TNFRSF11A: variants seen among roughly 807,000 people sequenced by gnomAD.
TNFRSF11A encodes TNF receptor superfamily member 11a, also known as tumor necrosis factor receptor superfamily member 11A.
A neutral mutation model predicts 55.7 loss-of-function variants in TNFRSF11A; 32 were observed. That is an observed-to-expected ratio of 0.57 (90% CI 0.43 to 0.77). The LOEUF (loss-of-function observed/expected upper bound fraction) is 0.77. Ranked by LOEUF, TNFRSF11A falls within the 30% of genes least tolerant of loss-of-function variation. The probability of loss-of-function intolerance (pLI) is 0.00; values close to 1 mark genes in which losing one functional copy is unlikely to be tolerated. For missense variants in TNFRSF11A, 753 were observed against 809.8 expected (o/e 0.93, Z 0.85); for synonymous variants, 311 against 331.0 (o/e 0.94, Z 0.65).
chr18:62,325,379 C>A lies in TNFRSF11A; in HGVS notation c.27C>A (p.Arg9=). 1 of 1,079,636 alleles carries A rather than the reference C, an allele frequency of 9.3e-7. No individual in the cohort carries two copies. The highest frequency in any genetic ancestry group is 6.7e-5 in the East Asian group (1 of 14,996). The allele number at this position is 1,079,636 out of a possible 1,614,324, so 66.9% of individuals were successfully genotyped here. A position where few individuals can be genotyped will look rare whatever the true frequency, so the allele number is the denominator to read the frequency against. The change falls in exon 1 of 10, where the codon CGC becomes CGA. Residue 9 remains arginine (R), a synonymous_variant. Transcript: ENST00000586569. The surrounding 1 kb of genome is among the most constrained non-coding windows in gnomAD (Gnocchi z 4.7). MAPRARRR[R]PLFALLLLCA... ...TGGCCCCGCGCGCCCGGCGGCGCCGCCCGCTGTTCGCGCTGCTGCTGCTCT... is the reference window on the plus strand; with the variant it reads ...TGGCCCCGCGCGCCCGGCGGCGCCGACCGCTGTTCGCGCTGCTGCTGCTCT...
chr18:62,381,401 T>C (rs1440621386), intron 9 of TNFRSF11A, among the ~76,000 whole-genome samples: 2 of 152,170 alleles, frequency 1.3e-5, no homozygotes, highest in African/African-American at 4.8e-5. Flanking sequence ...TGATGATCTG[T>C]TGAAAAATAA....
Position 62,354,452 on chromosome 18 carries a change from G to A in TNFRSF11A, c.345G>A (p.Thr115=). The A allele has an allele frequency of 6.2e-7, 1 of 1,600,594 alleles. No homozygotes were observed. Among genetic ancestry groups the A allele is most frequent in the Non-Finnish European group, 8.5e-7 (1 of 1,178,988 alleles). ...NSTTPRRCAC[T]AGYHWSQDCE... ...CGACCCCCCGGCGCTGCGCGTGCAC[G>A]GCTGGGTACCACTGGAGCCAGGACT... is the stretch of plus-strand genomic sequence containing the variant. Residue 115 remains threonine, a synonymous_variant, in exon 4 of 10, where the codon ACG becomes ACA. Transcript: ENST00000586569.
At chr18:62,347,456 C>G (rs1253476809) in intron 1 of TNFRSF11A, among the ~76,000 whole-genome samples, 1 of 152,162 alleles carries the variant, frequency 6.6e-6, no homozygotes, top group Non-Finnish European at 1.5e-5. Flanking sequence ...TGGTATTTGT[C>G]TTAGAATCAT....
intron 1 of TNFRSF11A, among the ~76,000 whole-genome samples, chr18:62,342,881 T>C (rs1380971430): frequency 6.6e-6 from 1 of 152,226 alleles, no homozygotes; most frequent in Non-Finnish European, 1.5e-5. Flanking sequence ...CTACCTTTTA[T>C]ATGTTTGTTG....
chr18:62,364,353 C>T (rs1052946073), intron 7 of TNFRSF11A, among the ~76,000 whole-genome samples: 1 of 152,062 alleles, frequency 6.6e-6, no homozygotes, highest in African/African-American at 2.4e-5. Context: ...GAGGGCATGG[C>T]GAGACCATGT....
intron 4 of TNFRSF11A, among the ~76,000 whole-genome samples, chr18:62,356,185 G>T (rs1450504366): frequency 6.6e-6 from 1 of 152,182 alleles, no homozygotes; most frequent in East Asian, 1.9e-4. Flanking sequence ...TCCCTTAGAG[G>T]CACCTGGTTT....
intron 1 of TNFRSF11A, among the ~76,000 whole-genome samples, chr18:62,341,365 A>C (rs1421692754): frequency 6.6e-6 from 1 of 152,230 alleles, no homozygotes. Context: ...ATACTCTGCT[A>C]TGCAGCTTTG....
intron 9 of TNFRSF11A, among the ~76,000 whole-genome samples, chr18:62,382,889 C>T (rs1237243532): frequency 6.6e-6 from 1 of 152,130 alleles, no homozygotes; most frequent in African/African-American, 2.4e-5. Context: ...TTTTTTCTCA[C>T]TAATATTTCA....
chr18:62,374,159 C>A (rs970940038), intron 9 of TNFRSF11A: 10 of 152,312 alleles, frequency 6.6e-5, no homozygotes, highest in Admixed American at 5.9e-4. Flanking sequence ...TGTAAAACAT[C>A]AATGCACTAT....
Position 62,369,624 on chromosome 18 carries a change from T to A in TNFRSF11A, c.1567+140T>A, listed in dbSNP as rs1011325461. The A allele has an allele frequency of 3.6e-6, 4 of 1,107,802 alleles. No homozygotes were observed. In the African/African-American group the frequency reaches 4.6e-5, roughly 13 times the overall value. 68.6% of individuals were successfully genotyped at this position (1,107,802 alleles called of 1,614,324 possible). A position where few individuals can be genotyped will look rare whatever the true frequency, so the allele number is the denominator to read the frequency against. The stretch of plus-strand genomic sequence containing the variant: ...GTGCTTTTTCTCTTAATAAGCATTT[T>A]TACAGGATGGCTTTGGATTCAGTCC... On this transcript the variant is annotated intron_variant, in intron 9 of 9. Transcript: ENST00000586569.
At chr18:62,368,666 A>G (rs1271244073) in intron 8 of TNFRSF11A, 35 bp from the exon 9 acceptor site, 3 of 1,611,686 alleles carry the variant, frequency 1.9e-6, no homozygotes, top group African/African-American at 1.3e-5. Flanking sequence ...AACTCTAGGT[A>G]TTAATGCCTC....
rs2046056660 is a variant in TNFRSF11A, at chr18:62,325,400, G to A, written c.48G>A (p.Leu16=). 1 of 1,227,362 alleles carries A rather than the reference G, an allele frequency of 8.1e-7. No homozygotes were observed. The highest frequency in any genetic ancestry group is 1.0e-6 in the Non-Finnish European group (1 of 972,928). 76.0% of individuals were successfully genotyped at this position (1,227,362 alleles called of 1,614,324 possible). The change falls in exon 1 of 10, where the codon CTG becomes CTA. Residue 16 remains leucine, a synonymous_variant. Transcript: ENST00000586569. This position sits in a 1 kb window ranked among gnomAD's most constrained non-coding sequence, Gnocchi z 4.7. ...GCCGCCCGCTGTTCGCGCTGCTGCT[G>A]CTCTGCGCGCTGCTCGCCCGGCTGC... The part of the protein sequence containing the change: ...RRRRPLFALL[L]LCALLARLQV...
chr18:62,358,169 C>T, intron 4 of TNFRSF11A, 79 bp from the exon 5 acceptor site: 1 of 1,407,450 alleles, frequency 7.1e-7, no homozygotes, highest in Non-Finnish European at 9.9e-7. Context: ...TCTGGAGTCC[C>T]AGCCTGGATG....
chr18:62,387,194 T>A lies in TNFRSF11A; in HGVS notation c.*2160T>A, dbSNP rs970636472. The A allele has an allele frequency of 5.3e-5, 8 of 152,224 alleles. No homozygotes were observed. The highest frequency in any genetic ancestry group is 1.9e-4 in the African/African-American group (8 of 41,456). The allele number at this position is 152,224 out of a possible 1,614,324, so 9.4% of individuals were successfully genotyped here. A position where few individuals can be genotyped will look rare whatever the true frequency, so the allele number is the denominator to read the frequency against. On this transcript the variant is annotated 3_prime_UTR_variant, in exon 10 of 10. Coordinates refer to ENST00000586569, the MANE Select transcript of TNFRSF11A (RefSeq NM_003839.4). Reference sequence around the variant, plus strand: ...GGTGCTATATACATAAGTAAGACTCTACTTTCAGAAAAAGGTAATATTATT... The same window carrying A: ...GGTGCTATATACATAAGTAAGACTCAACTTTCAGAAAAAGGTAATATTATT...
intron 9 of TNFRSF11A, among the ~76,000 whole-genome samples, chr18:62,373,122 A>G (rs1910663134): frequency 6.6e-6 from 1 of 152,132 alleles, no homozygotes; most frequent in African/African-American, 2.4e-5. Flanking sequence ...GGATAATCTC[A>G]CACCCTATCA....
chr18:62,369,298 G>C lies in TNFRSF11A; in HGVS notation c.1381G>C (p.Val461Leu). The change falls in exon 9 of 10, where the codon GTG becomes CTG. Residue 461 changes from valine (V) to leucine (L), a missense_variant. Transcript: ENST00000586569. ...TCCTGGGGAGGACTGTGAACCCCTC[G>C]TGGGTTCCCCAAAACGTGGACCCTT... ...NPPGEDCEPL[V>L]GSPKRGPLPQ... The C allele has an allele frequency of 6.2e-7, 1 of 1,611,466 alleles. No homozygotes were observed. Among genetic ancestry groups the C allele is most frequent in the South Asian group, 1.1e-5 (1 of 91,036 alleles).
intron 1 of TNFRSF11A, among the ~76,000 whole-genome samples, chr18:62,335,622 G>A (rs1034378302): frequency 1.3e-5 from 2 of 152,228 alleles, no homozygotes; most frequent in African/African-American, 2.4e-5. Flanking sequence ...TGAAACAGCT[G>A]TGTCTCCTGT....
rs1568475429 is a variant in TNFRSF11A, at chr18:62,341,835, G to GTTTTTTTTTTTTTTTTTTTTTT, written c.76-6333_76-6332insTTTTTTTTTTTTTTTTTTTTTT. Among the ~76,000 whole-genome samples the GTTTTTTTTTTTTTTTTTTTTTT allele has an allele frequency of 2.9e-5, 2 of 68,852 alleles. 1 individual carries two copies. Among genetic ancestry groups the GTTTTTTTTTTTTTTTTTTTTTT allele is most frequent in the Non-Finnish European group, 5.0e-5 (2 of 39,954 alleles). 45.2% of individuals were successfully genotyped at this position (68,852 alleles called of 152,430 possible). On this transcript the variant is annotated intron_variant, in intron 1 of 9. Coordinates refer to ENST00000586569, the MANE Select transcript of TNFRSF11A (RefSeq NM_003839.4). ...GGTGAGGAGACTCAGGCTGAGAATG[G>GTTTTTTTTTTTTTTTTTTTTTT]CTTTTTTTTTTTTTTTTTTTTTTGG...
intron 9 of TNFRSF11A, among the ~76,000 whole-genome samples, chr18:62,379,519 G>A (rs1233177129): frequency 1.3e-5 from 2 of 152,240 alleles, no homozygotes; most frequent in Non-Finnish European, 2.9e-5. Context: ...ACTTTGGGAT[G>A]ATTCGGGGAA....
Sources: allele counts gnomAD v4.1 joint callset (sites outside exome capture counted in the v4.1 genomes callset), GRCh38; gene constraint gnomAD v4.1.1; non-coding constraint Gnocchi (gnomAD v3.1); transcripts MANE v1.5; gene names NCBI Gene and HGNC (gene_info 2026-07-23, HGNC 2026-07-21).